Variants in BNC2 observed in about 807,000 individuals in gnomAD.
BNC2 encodes basonuclin zinc finger protein 2, also known as zinc finger protein basonuclin-2.
BNC2 carries 20 observed loss-of-function variants against 76.3 expected under a neutral mutation model. The observed-to-expected ratio is 0.26, with a 90% confidence interval of 0.18 to 0.38. The LOEUF (loss-of-function observed/expected upper bound fraction) is 0.38. Ranked by LOEUF, BNC2 falls within the 10% of genes least tolerant of loss-of-function variation. The probability of loss-of-function intolerance (pLI) is 1.00; values close to 1 mark genes in which losing one functional copy is unlikely to be tolerated. For synonymous variants in BNC2, 582 were observed against 514.8 expected (o/e 1.13, Z -1.77); for missense variants, 1,382 against 1,399.8 (o/e 0.99, Z 0.20).
intron 5 of BNC2, among the ~76,000 whole-genome samples, chr9:16,455,851 G>A (rs116778583): frequency 1.5e-3 from 226 of 151,720 alleles, no homozygotes; most frequent in African/African-American, 5.4e-3. Flanking sequence ...AATATAAAAG[G>A]CTTTCACTTA....
At chr9:16,853,801 G>C (rs1001636669) in intron 1 of BNC2, among the ~76,000 whole-genome samples, 3 of 152,164 alleles carry the variant, frequency 2.0e-5, no homozygotes, top group Admixed American at 6.6e-5. Flanking sequence ...CTGGGAGACA[G>C]AGGTTGCAGT....
intron 1 of BNC2, among the ~76,000 whole-genome samples, chr9:16,770,220 G>C (rs1245564144): frequency 2.0e-5 from 3 of 152,150 alleles, no homozygotes; most frequent in African/African-American, 7.2e-5. Flanking sequence ...AGAGTTGACA[G>C]TGGATGCTCA....
chr9:16,421,042 G>A (rs971719977), intron 6 of BNC2, among the ~76,000 whole-genome samples: 6 of 152,142 alleles, frequency 3.9e-5, no homozygotes, highest in African/African-American at 1.4e-4. Flanking sequence ...CAGACCTCCC[G>A]ATTATACTTA....
intron 4 of BNC2, among the ~76,000 whole-genome samples, chr9:16,567,240 G>A (rs1819196513): frequency 6.6e-6 from 1 of 152,224 alleles, no homozygotes; most frequent in African/African-American, 2.4e-5. Flanking sequence ...CAACAGCTGA[G>A]ATTTCTGTGC....
rs772454699 is a variant in BNC2, at chr9:16,410,485, T to C, written c.*8504A>G. On this transcript the variant is annotated 3_prime_UTR_variant, in exon 7 of 7. Coordinates refer to ENST00000380672, the MANE Select transcript of BNC2 (RefSeq NM_017637.6). ...CTTTATACTGGCACTGGCAGGAAAA[T>C]GGTGAGATTCTCTGCAGGGCAGCTG... is the stretch of plus-strand genomic sequence containing the variant. 1.3e-5 allele frequency: 2 copies of C among 152,580 alleles called. No individual in the cohort carries two copies. Among genetic ancestry groups the C allele is most frequent in the Non-Finnish European group, 2.9e-5 (2 of 68,042 alleles). The allele number at this position is 152,580 out of a possible 1,614,324, so 9.5% of individuals were successfully genotyped here. A position where few individuals can be genotyped will look rare whatever the true frequency, so the allele number is the denominator to read the frequency against.
intron 3 of BNC2, among the ~76,000 whole-genome samples, chr9:16,596,456 T>A (rs532951725): frequency 2.0e-5 from 3 of 152,238 alleles, no homozygotes; most frequent in African/African-American, 7.2e-5. Context: ...CAAAACCCGA[T>A]TTCTAAGATA....
chr9:16,560,032 G>T (rs79342670), intron 4 of BNC2, among the ~76,000 whole-genome samples: 3 of 152,186 alleles, frequency 2.0e-5, no homozygotes, highest in African/African-American at 7.2e-5. Flanking sequence ...GACTACTGTA[G>T]GTAGACGGAA....
At chr9:16,479,900 G>A (rs1822010282) in intron 5 of BNC2, among the ~76,000 whole-genome samples, 1 of 152,126 alleles carries the variant, frequency 6.6e-6, no homozygotes, top group Non-Finnish European at 1.5e-5. Flanking sequence ...ACCTTTGACA[G>A]TTTCCAAATG....
chr9:16,715,253 A>AT (rs951692286), intron 3 of BNC2, among the ~76,000 whole-genome samples: 35 of 152,254 alleles, frequency 2.3e-4, no homozygotes, highest in Non-Finnish European at 3.8e-4. Context: ...TTATTTGACT[A>AT]TTTTTTTGTT....
chr9:16,498,165 A>G (rs1234679198), intron 5 of BNC2, among the ~76,000 whole-genome samples: 1 of 146,056 alleles, frequency 6.8e-6, no homozygotes, highest in East Asian at 2.0e-4. Flanking sequence ...CATCATATAT[A>G]TATTCTATCA....
intron 1 of BNC2, among the ~76,000 whole-genome samples, chr9:16,746,106 G>C (rs1204058457): frequency 2.0e-5 from 3 of 152,084 alleles, no homozygotes; most frequent in African/African-American, 4.8e-5. Flanking sequence ...GAATAAACTG[G>C]TAGCAAAGCC....
At chr9:16,476,640 G>A (rs1198618563) in intron 5 of BNC2, among the ~76,000 whole-genome samples, 1 of 151,472 alleles carries the variant, frequency 6.6e-6, no homozygotes, top group East Asian at 1.9e-4. Context: ...AGAAAGCAGG[G>A]ACCACGGGTT....
chr9:16,832,135 G>A (rs1818590275), intron 1 of BNC2: 2 of 315,662 alleles, frequency 6.3e-6, no homozygotes, highest in South Asian at 7.5e-5. Context: ...CTTCCTGGAT[G>A]TAGGATATTT....
intron 3 of BNC2, among the ~76,000 whole-genome samples, chr9:16,690,364 G>T (rs1823121056): frequency 6.6e-6 from 1 of 152,116 alleles, no homozygotes; most frequent in African/African-American, 2.4e-5. Flanking sequence ...TGTAATCCTA[G>T]GAGGATTACT....
chr9:16,803,903 T>C (rs1817843379), intron 1 of BNC2, among the ~76,000 whole-genome samples: 1 of 152,162 alleles, frequency 6.6e-6, no homozygotes, highest in East Asian at 1.9e-4. Context: ...AATCTCTCAA[T>C]CGTCAAGGGA....
At chr9:16,820,782 G>T (rs185054008) in intron 1 of BNC2, among the ~76,000 whole-genome samples, 20 of 150,192 alleles carry the variant, frequency 1.3e-4, no homozygotes, top group African/African-American at 4.9e-4. Flanking sequence ...ACATTAAAAT[G>T]AAACAGGCCA....
At position 16,771,741 on chromosome 9, in the gene BNC2, T is replaced by C. The variant is rs138852808; in HGVS notation, c.4-33256A>G. Among the ~76,000 whole-genome samples the C allele has an allele frequency of 3.5e-3, 529 of 152,348 alleles. 3 individuals carry two copies. Among genetic ancestry groups the C allele is most frequent in the African/African-American group, 0.012 (494 of 41,574 alleles). ...TATTTTTTCTCATAAAAGAATGTAT[T>C]TAACACTTTCTTCAATTTTCCCTAG... On this transcript the variant is annotated intron_variant, in intron 1 of 6. Coordinates refer to ENST00000380672, the MANE Select transcript of BNC2 (RefSeq NM_017637.6).
At chr9:16,474,742 T>C (rs1253281807) in intron 5 of BNC2, among the ~76,000 whole-genome samples, 1 of 152,160 alleles carries the variant, frequency 6.6e-6, no homozygotes, top group Non-Finnish European at 1.5e-5. Context: ...AAAAATCAAA[T>C]TGGTAGAATG....
chr9:16,452,325 T>G (rs1821358659), intron 5 of BNC2, among the ~76,000 whole-genome samples: 1 of 152,168 alleles, frequency 6.6e-6, no homozygotes, highest in Non-Finnish European at 1.5e-5. Flanking sequence ...CAACACTGTC[T>G]CTCATATAGT....
Sources: allele counts gnomAD v4.1 joint callset (sites outside exome capture counted in the v4.1 genomes callset), GRCh38; gene constraint gnomAD v4.1.1; transcripts MANE v1.5; gene names NCBI Gene and HGNC (gene_info 2026-07-23, HGNC 2026-07-21).